The following CMIP variants were observed in gnomAD, a reference collection of about 807,000 sequenced individuals.
CMIP encodes the protein C-Maf-inducing protein.
In CMIP, 13 loss-of-function variants were observed where a neutral mutation model predicts 97.3. That is an observed-to-expected ratio of 0.13 (90% CI 0.09 to 0.21). The LOEUF is 0.21. Ranked by LOEUF, CMIP falls within the 10% of genes least tolerant of loss-of-function variation. CMIP has a pLI of 1.00. For missense variants in CMIP, 847 were observed against 1,024.9 expected (o/e 0.83, Z 2.37); for synonymous variants, 538 against 436.3 (o/e 1.23, Z -2.91).
chr16:81,689,728 C>T (rs1325164646), intron 10 of CMIP, among the ~76,000 whole-genome samples: 11 of 152,164 alleles, frequency 7.2e-5, no homozygotes. Flanking sequence ...AAGTCCTTGC[C>T]CATGTTTATG....
At chr16:81,560,825 T>G (rs1211060656) in intron 1 of CMIP, among the ~76,000 whole-genome samples, 1 of 152,248 alleles carries the variant, frequency 6.6e-6, no homozygotes, top group African/African-American at 2.4e-5. Flanking sequence ...TGTACAGGTT[T>G]GTAGCCCAGC....
chr16:81,479,198 A>G (rs1908110817), intron 1 of CMIP, among the ~76,000 whole-genome samples: 1 of 152,154 alleles, frequency 6.6e-6, no homozygotes, highest in African/African-American at 2.4e-5. Context: ...CTGTTTGTAA[A>G]GAGGGCGGTC....
chr16:81,664,264 C>G lies in CMIP; in HGVS notation c.745-5C>G. 4 of 1,596,110 alleles carry G rather than the reference C, an allele frequency of 2.5e-6. No individual in the cohort carries two copies. The highest frequency in any genetic ancestry group is 1.3e-5 in the African/African-American group (1 of 74,578). On this transcript the variant is annotated splice_polypyrimidine_tract_variant and splice_region_variant and intron_variant, in intron 6 of 20. Transcript: ENST00000537098. ...CGCAGTAACTGTACCCCACTCTGTC[C>G]CCAGCACTGCAGAGAGCGGCCCCGG...
At chr16:81,449,437 C>T (rs1906068395) in intron 1 of CMIP, among the ~76,000 whole-genome samples, 1 of 152,230 alleles carries the variant, frequency 6.6e-6, no homozygotes, top group Admixed American at 6.5e-5. Context: ...TGCATGCCTA[C>T]TGTGTGTCAC....
At chr16:81,458,604 C>T (rs907430339) in intron 1 of CMIP, among the ~76,000 whole-genome samples, 2 of 152,158 alleles carry the variant, frequency 1.3e-5, no homozygotes, top group Non-Finnish European at 2.9e-5. Flanking sequence ...CTTTGAAACC[C>T]GCACACTGTT....
intron 1 of CMIP, among the ~76,000 whole-genome samples, chr16:81,485,869 G>C (rs2089306159): frequency 6.6e-6 from 1 of 152,204 alleles, no homozygotes. Flanking sequence ...GCACCACGTG[G>C]CCTGCTTGGA....
chr16:81,525,580 T>C (rs1209594792), intron 1 of CMIP, among the ~76,000 whole-genome samples: 1 of 152,212 alleles, frequency 6.6e-6, no homozygotes, highest in Admixed American at 6.5e-5. Context: ...TGGGCTCAAA[T>C]GGTTCTCCTC....
At chr16:81,471,321 C>A (rs867827325) in intron 1 of CMIP, among the ~76,000 whole-genome samples, 37 of 152,024 alleles carry the variant, frequency 2.4e-4, no homozygotes, top group African/African-American at 8.9e-4. Context: ...CACACGCACA[C>A]ATATGCACAC....
chr16:81,465,590 A>C (rs983372816), intron 1 of CMIP, among the ~76,000 whole-genome samples: 1 of 152,238 alleles, frequency 6.6e-6, no homozygotes, highest in Admixed American at 6.5e-5. Flanking sequence ...TTGTTGAATG[A>C]GCTAATAAGA....
chr16:81,631,844 A>C lies in CMIP; in HGVS notation c.477+10918A>C, dbSNP rs1030082998. ...GTATATGCCTGGGAGCTGAATTATC[A>C]TTCGTTGATGCTGCCCTGCAGTTTT... On this transcript the variant is annotated intron_variant, in intron 3 of 20. Coordinates refer to ENST00000537098, the MANE Select transcript of CMIP (RefSeq NM_198390.3). 3.3e-5 allele frequency: 5 copies of C among 152,362 alleles called. No homozygotes were observed. In the South Asian group the frequency reaches 1.0e-3, roughly 32 times the overall value. The allele number at this position is 152,362 out of a possible 1,614,324, so 9.4% of individuals were successfully genotyped here. A position where few individuals can be genotyped will look rare whatever the true frequency, so the allele number is the denominator to read the frequency against.
chr16:81,544,523 G>C (rs2090507990), intron 1 of CMIP, among the ~76,000 whole-genome samples: 3 of 151,916 alleles, frequency 2.0e-5, no homozygotes. Context: ...GCCTCTGTGT[G>C]GCTCTCAGGC....
At chr16:81,460,298 C>G (rs1906825868) in intron 1 of CMIP, among the ~76,000 whole-genome samples, 1 of 152,144 alleles carries the variant, frequency 6.6e-6, no homozygotes, top group Admixed American at 6.5e-5. Context: ...TTATTCCCTC[C>G]TCCCTTTTCC....
At chr16:81,703,264 C>A (rs1907620966) in intron 17 of CMIP, among the ~76,000 whole-genome samples, 1 of 152,066 alleles carries the variant, frequency 6.6e-6, no homozygotes, top group Non-Finnish European at 1.5e-5. Flanking sequence ...TGTGGGGCCA[C>A]ACACTAAATC....
rs370123572 is a variant in CMIP at position 81,678,234 on chromosome 16, G to A, written c.1035-41G>A. ...TGATGGGTCATGGTGCATCATGAAC[G>A]GTGCCTGTACTCATGTGCCCTCTCC... On this transcript the variant is annotated intron_variant, in intron 9 of 20. Coordinates refer to ENST00000537098, the MANE Select transcript of CMIP (RefSeq NM_198390.3). 1.9e-5 allele frequency: 28 copies of A among 1,459,568 alleles called. 1 individual carries two copies. The African/African-American group carries it at 2.5e-4, about 13-fold the overall frequency. The allele number at this position is 1,459,568 out of a possible 1,614,324, so 90.4% of individuals were successfully genotyped here. A position where few individuals can be genotyped will look rare whatever the true frequency, so the allele number is the denominator to read the frequency against.
intron 1 of CMIP, among the ~76,000 whole-genome samples, chr16:81,579,360 C>G (rs2091256987): frequency 6.6e-6 from 1 of 152,176 alleles, no homozygotes; most frequent in Non-Finnish European, 1.5e-5. Context: ...GCTCTGCTCT[C>G]TTGAGCCACC....
At chr16:81,470,387 C>G (rs1321985183) in intron 1 of CMIP, among the ~76,000 whole-genome samples, 1 of 152,224 alleles carries the variant, frequency 6.6e-6, no homozygotes, top group African/African-American at 2.4e-5. Flanking sequence ...CTGCAGGGTG[C>G]TTTTCATGTC....
In CMIP at chr16:81,696,787, G is replaced by A. The variant is rs1328452383; in HGVS notation, c.1638+120G>A. The A allele has an allele frequency of 1.6e-5, 13 of 835,504 alleles. No individual in the cohort carries two copies. The Admixed American group carries it at 3.6e-4, about 23-fold the overall frequency. The allele number at this position is 835,504 out of a possible 1,614,324, so 51.8% of individuals were successfully genotyped here. A position where few individuals can be genotyped will look rare whatever the true frequency, so the allele number is the denominator to read the frequency against. On this transcript the variant is annotated intron_variant, in intron 14 of 20. Coordinates refer to ENST00000537098, the MANE Select transcript of CMIP (RefSeq NM_198390.3). ...GCCCCGGAGTTTCCCGGCTAACACA[G>A]TGCTGATCATGAAGGTGGTGGTGGT...
intron 1 of CMIP, among the ~76,000 whole-genome samples, chr16:81,536,739 G>A (rs2090349693): frequency 6.6e-6 from 1 of 152,080 alleles, no homozygotes; most frequent in African/African-American, 2.4e-5. Flanking sequence ...TGAGGAAACT[G>A]AGGCACTGCT....
intron 1 of CMIP, among the ~76,000 whole-genome samples, chr16:81,590,603 C>T (rs1276785104): frequency 6.6e-6 from 1 of 152,216 alleles, no homozygotes; most frequent in African/African-American, 2.4e-5. Flanking sequence ...GAAATTTCTG[C>T]AGAACTTGTC....
Sources: allele counts gnomAD v4.1 joint callset (sites outside exome capture counted in the v4.1 genomes callset), GRCh38; gene constraint gnomAD v4.1.1; transcripts MANE v1.5; gene names NCBI Gene and HGNC (gene_info 2026-07-23, HGNC 2026-07-21).